The following MYO9B variants were observed in gnomAD, a reference collection of about 807,000 sequenced individuals.
MYO9B encodes unconventional myosin-IXb.
In MYO9B, 71 loss-of-function variants were observed where a neutral mutation model predicts 229.5. The observed-to-expected ratio is 0.31, with a 90% CI of 0.26 to 0.38. The LOEUF is 0.38. MYO9B is among the 10% of genes least tolerant of loss of function. The probability of loss-of-function intolerance (pLI) is 1.00; values close to 1 mark genes in which losing one functional copy is unlikely to be tolerated. For synonymous variants in MYO9B, 1,185 were observed against 1,235.8 expected (o/e 0.96, Z 0.86); for missense variants, 2,255 against 2,920.5 (o/e 0.77, Z 5.25).
chr19:17,134,428 G>A (rs1327637295), intron 2 of MYO9B, among the ~76,000 whole-genome samples: 1 of 104,668 alleles, frequency 9.6e-6, no homozygotes, highest in Non-Finnish European at 1.7e-5. Context: ...CTCTCGCTCT[G>A]TCACCCAGGC....
chr19:17,168,188 A>C, intron 11 of MYO9B, 124 bp downstream of exon 11: 1 of 1,304,368 alleles, frequency 7.7e-7, no homozygotes, highest in Non-Finnish European at 1.0e-6. Flanking sequence ...TTTTTGAGAC[A>C]GGGTCTCACT....
At chr19:17,126,332 G>T (rs557818046) in intron 2 of MYO9B, among the ~76,000 whole-genome samples, 1 of 152,268 alleles carries the variant, frequency 6.6e-6, no homozygotes, top group South Asian at 2.1e-4. Flanking sequence ...GGCCTCGGGA[G>T]ACCAGTCACC....
Position 17,152,439 on chromosome 19 carries a change from G to A in MYO9B, c.936-205G>A, listed in dbSNP as rs192275646. ...GGGTGGGGGTTGGCACACCCCTGTA[G>A]TTCCAACCAACCACTGTGGGGGCCG... On this transcript the variant is annotated intron_variant, in intron 3 of 39. Transcript: ENST00000682292. 3.1e-5 allele frequency: 14 copies of A among 455,310 alleles called. No individual in the cohort carries two copies. The East Asian group carries it at 5.3e-4, about 17-fold the overall frequency. 28.2% of individuals were successfully genotyped at this position (455,310 alleles called of 1,614,324 possible). A position where few individuals can be genotyped will look rare whatever the true frequency, so the allele number is the denominator to read the frequency against.
intron 2 of MYO9B, among the ~76,000 whole-genome samples, chr19:17,142,157 C>A (rs2072348614): frequency 7.4e-6 from 1 of 135,314 alleles, no homozygotes; most frequent in Non-Finnish European, 1.5e-5. Context: ...ACAGCAAGAC[C>A]CTGCCTTTTA....
chr19:17,144,144 A>G (rs2072377787), intron 2 of MYO9B, among the ~76,000 whole-genome samples: 1 of 151,818 alleles, frequency 6.6e-6, no homozygotes, highest in South Asian at 2.1e-4. Context: ...TGAGCCTGGG[A>G]GACAGAAGTT....
chr19:17,207,264 C>T lies in MYO9B; in HGVS notation c.5624+20C>T, dbSNP rs769733546. On this transcript the variant is annotated intron_variant, in intron 35 of 39. Coordinates refer to ENST00000682292, the MANE Select transcript of MYO9B (RefSeq NM_004145.4). ...CACCACGTGAGTGCCCACCCTGCCC[C>T]GGAGGCATGCTCAGGGCAGCCCCAC... is the stretch of plus-strand genomic sequence containing the variant. The T allele has an allele frequency of 4.9e-5, 77 of 1,586,048 alleles. No homozygotes were observed. The highest frequency in any genetic ancestry group is 6.3e-5 in the Non-Finnish European group (73 of 1,167,408).
At chr19:17,132,000 C>T (rs1184014924) in intron 2 of MYO9B, among the ~76,000 whole-genome samples, 1 of 151,554 alleles carries the variant, frequency 6.6e-6, no homozygotes, top group African/African-American at 2.4e-5. Context: ...CCATTTCAGC[C>T]CCCTGAGTAG....
At chr19:17,176,143 T>C (rs1045426798) in intron 14 of MYO9B, among the ~76,000 whole-genome samples, 36 of 152,208 alleles carry the variant, frequency 2.4e-4, no homozygotes, top group African/African-American at 8.4e-4. Flanking sequence ...CATTCTCCTT[T>C]CTCAGCCTCC....
intron 2 of MYO9B, among the ~76,000 whole-genome samples, chr19:17,132,066 A>T (rs1027958430): frequency 7.3e-5 from 11 of 150,910 alleles, no homozygotes; most frequent in African/African-American, 2.7e-4. Flanking sequence ...TTTTGTAGAC[A>T]CAGGATCTCA....
Position 17,207,256 on chromosome 19 carries a change from C to A in MYO9B, c.5624+12C>A, listed in dbSNP as rs951407125. On this transcript the variant is annotated intron_variant, in intron 35 of 39. Transcript: ENST00000682292. ...CTCAAGATCACCACGTGAGTGCCCA[C>A]CCTGCCCCGGAGGCATGCTCAGGGC... 6 of 1,589,730 alleles carry A rather than the reference C, an allele frequency of 3.8e-6. No homozygotes were observed. Among genetic ancestry groups the A allele is most frequent in the South Asian group, 1.2e-5 (1 of 86,900 alleles).
At chr19:17,077,541 C>G (rs552169998) in intron 1 of MYO9B, among the ~76,000 whole-genome samples, 3 of 152,200 alleles carry the variant, frequency 2.0e-5, no homozygotes, top group Non-Finnish European at 4.4e-5. Flanking sequence ...TCTTCCCTGC[C>G]GCTAGAGAAT....
chr19:17,116,706 G>A (rs368519105), intron 2 of MYO9B, among the ~76,000 whole-genome samples: 6 of 152,086 alleles, frequency 3.9e-5, no homozygotes, highest in Non-Finnish European at 7.4e-5. Context: ...GGTGCAGACC[G>A]CAGAGAGGCC....
chr19:17,186,048 CTT>C (rs765799496), intron 18 of MYO9B, 47 bp downstream of exon 18: 1 of 1,558,546 alleles, frequency 6.4e-7, no homozygotes, highest in Non-Finnish European at 8.8e-7. Flanking sequence ...ATGCCGGACT[CTT>C]AGGGGTGTCG....
At position 17,194,755 on chromosome 19, in the gene MYO9B, C is replaced by G. The variant is rs2073022649; in HGVS notation, c.3328C>G (p.Pro1110Ala). ...EPEVQPSDRS[P>A]LEHSSPEKEA... ...TGAGGTGCAGCCAAGTGACAGGTCC[C>G]CCCTAGAGCACTCCTCACCTGAGAA... is the stretch of plus-strand genomic sequence containing the variant. The change falls in exon 22 of 40, where the codon CCC (proline) becomes GCC (alanine). Residue 1110 changes from proline (P) to alanine (A), a missense_variant. Transcript: ENST00000682292. The G allele has an allele frequency of 6.2e-7, 1 of 1,613,086 alleles. No individual in the cohort carries two copies. The highest frequency in any genetic ancestry group is 8.5e-7 in the Non-Finnish European group (1 of 1,179,896).
chr19:17,147,805 C>CT (rs2072431949), intron 3 of MYO9B, among the ~76,000 whole-genome samples: 6 of 45,536 alleles, frequency 1.3e-4, no homozygotes, highest in Admixed American at 4.0e-4. Flanking sequence ...CCTGCCTCAG[C>CT]TCGAGTAGCT....
chr19:17,081,560 G>A (rs879569915), intron 1 of MYO9B, among the ~76,000 whole-genome samples: 5 of 152,012 alleles, frequency 3.3e-5, no homozygotes, highest in Non-Finnish European at 7.4e-5. Flanking sequence ...TGTAATCCCA[G>A]CACTTTGGGA....
chr19:17,147,825 G>A (rs1463432449), intron 3 of MYO9B, among the ~76,000 whole-genome samples: 2 of 151,060 alleles, frequency 1.3e-5, no homozygotes, highest in East Asian at 4.0e-4. Flanking sequence ...TGGGATTACA[G>A]GCATGCGCCA....
chr19:17,139,884 A>G (rs1245026842), intron 2 of MYO9B, among the ~76,000 whole-genome samples: 2 of 152,116 alleles, frequency 1.3e-5, no homozygotes, highest in Non-Finnish European at 2.9e-5. Context: ...TCTACTAAAA[A>G]TACAAAATTA....
At chr19:17,107,098 T>A (rs775423904) in intron 2 of MYO9B, among the ~76,000 whole-genome samples, 5 of 151,888 alleles carry the variant, frequency 3.3e-5, no homozygotes, top group Non-Finnish European at 5.9e-5. Flanking sequence ...TAGCCAGGCA[T>A]GGCAGTGCAT....
Sources: allele counts gnomAD v4.1 joint callset (sites outside exome capture counted in the v4.1 genomes callset), GRCh38; gene constraint gnomAD v4.1.1; transcripts MANE v1.5; gene names NCBI Gene and HGNC (gene_info 2026-07-23, HGNC 2026-07-21).